POLR3E: variants seen among roughly 807,000 people sequenced by gnomAD.
POLR3E encodes RNA polymerase III subunit E.
A neutral mutation model predicts 96.6 loss-of-function variants in POLR3E; 41 were observed. The observed-to-expected ratio is 0.42, with a 90% confidence interval of 0.33 to 0.55. The LOEUF is 0.55. Among genes scored for constraint, POLR3E ranks in the 20% least tolerant of loss-of-function variants. POLR3E has a pLI of 0.06. For synonymous variants in POLR3E, 396 were observed against 383.6 expected (o/e 1.03, Z -0.38); for missense variants, 849 against 952.1 (o/e 0.89, Z 1.43).
chr16:22,334,117 TAAAATGCCTA>T lies in POLR3E; in HGVS notation c.*418_*427del, dbSNP rs1211714584. The T allele has an allele frequency of 5.0e-5, 8 of 160,774 alleles. No homozygotes were observed. Among genetic ancestry groups the T allele is most frequent in the Admixed American group, 3.8e-4 (6 of 15,714 alleles). 10.0% of individuals were successfully genotyped at this position (160,774 alleles called of 1,614,324 possible). ...AGAAAACCTCAAAGTTCTTAATTTTTAAAATGCCTAGAAGACAATATTTAGTCTTGGATTA... is the reference window on the plus strand; with the variant it reads ...AGAAAACCTCAAAGTTCTTAATTTTTGAAGACAATATTTAGTCTTGGATTA... On this transcript the variant is annotated 3_prime_UTR_variant, in exon 21 of 21. Transcript: ENST00000299853.
At chr16:22,303,476 G>A (rs1049201394) in intron 2 of POLR3E, among the ~76,000 whole-genome samples, 2 of 152,142 alleles carry the variant, frequency 1.3e-5, no homozygotes, top group East Asian at 3.9e-4. Flanking sequence ...CCAGGCTTAC[G>A]CAGATGTAGT....
Position 22,333,858 on chromosome 16 carries a change from C to G in POLR3E, c.*158C>G. ...CGGTGCAGTGGACAGAAGGGATTAT[C>G]CTCAGCCAGTCGCAGGGTCAGCTTA... is the stretch of plus-strand genomic sequence containing the variant. On this transcript the variant is annotated 3_prime_UTR_variant, in exon 21 of 21. Coordinates refer to ENST00000299853, the MANE Select transcript of POLR3E (RefSeq NM_018119.4). The G allele has an allele frequency of 1.7e-6, 1 of 583,316 alleles. No individual in the cohort carries two copies. The highest frequency in any genetic ancestry group is 3.1e-6 in the Non-Finnish European group (1 of 319,072). The allele number at this position is 583,316 out of a possible 1,614,324, so 36.1% of individuals were successfully genotyped here.
chr16:22,314,266 G>A, intron 8 of POLR3E, 138 bp downstream of exon 8: 1 of 694,908 alleles, frequency 1.4e-6, no homozygotes. Flanking sequence ...GGGCTACCTG[G>A]AGGGAACAAC....
intron 16 of POLR3E, 55 bp downstream of exon 16, chr16:22,324,715 C>T (rs1356994382): frequency 1.9e-6 from 3 of 1,561,262 alleles, no homozygotes; most frequent in Non-Finnish European, 1.8e-6. Context: ...ACCCTGCATC[C>T]TGGGGAGCAC....
chr16:22,309,448 C>T lies in POLR3E; in HGVS notation c.302C>T (p.Thr101Ile). 3 of 1,613,312 alleles carry T rather than the reference C, an allele frequency of 1.9e-6. No homozygotes were observed. The highest frequency in any genetic ancestry group is 2.5e-6 in the Non-Finnish European group (3 of 1,179,414). ...TYSSKLMDKQ[T>I]FCSSQTTSNT... is the part of the protein sequence containing the mutation. ...TCCAGGAAGCTGATGGACAAGCAGA[C>T]CTTCTGCTCTTCCCAGACCACCAGT... Residue 101 changes from threonine to isoleucine, a missense_variant, in exon 6 of 21, where the codon ACC becomes ATC. By Grantham distance (89) the Thr-to-Ile change is moderately conservative. Transcript: ENST00000299853.
At chr16:22,316,552 C>G (rs1265332246) in intron 9 of POLR3E, 49 bp from the exon 10 acceptor site, 13 of 1,475,396 alleles carry the variant, frequency 8.8e-6, no homozygotes, top group East Asian at 4.5e-5. Flanking sequence ...GGGGCCCAGG[C>G]CAGGGCCATC....
At chr16:22,331,869 T>TAC in intron 19 of POLR3E, 191 bp from the exon 20 acceptor site, 1 of 541,538 alleles carries the variant, frequency 1.8e-6, no homozygotes, top group East Asian at 3.2e-5. Context: ...TACTTTTGTG[T>TAC]TTTTATTTCT....
chr16:22,297,525 C>G lies in POLR3E; in HGVS notation c.-51C>G, dbSNP rs991254648. 1 of 152,436 alleles carries G rather than the reference C, an allele frequency of 6.6e-6. No homozygotes were observed. Among genetic ancestry groups the G allele is most frequent in the African/African-American group, 2.4e-5 (1 of 41,466 alleles). 9.4% of individuals were successfully genotyped at this position (152,436 alleles called of 1,614,324 possible). ...GGCCGTTGCCGCCGTCCGCGCTCGG[C>G]CCCCGCGGAGAGGTGAGTCCCGTCT... On this transcript the variant is annotated 5_prime_UTR_variant, in exon 1 of 21. Transcript: ENST00000299853.
At chr16:22,309,616 T>A in intron 6 of POLR3E, 106 bp downstream of exon 6, 1 of 840,066 alleles carries the variant, frequency 1.2e-6, no homozygotes, top group Non-Finnish European at 2.1e-6. Context: ...CCCTGAAAGC[T>A]AGACACCTGT....
Position 22,322,893 on chromosome 16 carries a change from G to C in POLR3E, c.1030G>C (p.Val344Leu). The C allele has an allele frequency of 6.2e-7, 1 of 1,613,380 alleles. No homozygotes were observed. Among genetic ancestry groups the C allele is most frequent in the Non-Finnish European group, 8.5e-7 (1 of 1,179,632 alleles). The change falls in exon 14 of 21, where the codon GTG (valine) becomes CTG (leucine). Residue 344 changes from valine to leucine, a missense_variant. Physicochemically the swap from Val to Leu is conservative, Grantham distance 32. Transcript: ENST00000299853. This position sits in a 1 kb window ranked among gnomAD's most constrained non-coding sequence, Gnocchi z 5.2. ...PKDSSSPHSG[V>L]PAEVLCRGRD... ...GGACTCGTCCAGCCCTCACAGCGGC[G>C]TGCCTGCTGAGGTGCTCTGCAGGGG... is the stretch of plus-strand genomic sequence containing the variant.
intron 6 of POLR3E, among the ~76,000 whole-genome samples, chr16:22,312,809 C>G (rs1206400086): frequency 1.4e-5 from 2 of 138,156 alleles, no homozygotes; most frequent in Non-Finnish European, 3.0e-5. Context: ...GGAGGTTGCA[C>G]TGAGCCGAGA....
At chr16:22,315,956 C>T (rs570323459) in intron 9 of POLR3E, among the ~76,000 whole-genome samples, 7 of 152,278 alleles carry the variant, frequency 4.6e-5, no homozygotes, top group African/African-American at 9.6e-5. Flanking sequence ...GCGTGAGCCA[C>T]GACCACCTGG....
chr16:22,311,641 G>A (rs1319085361), intron 6 of POLR3E, among the ~76,000 whole-genome samples: 1 of 151,610 alleles, frequency 6.6e-6, no homozygotes, highest in Non-Finnish European at 1.5e-5. Flanking sequence ...TACAGGCCAT[G>A]CCACCACATC....
At chr16:22,309,800 A>G in intron 6 of POLR3E, 1 of 482,304 alleles carries the variant, frequency 2.1e-6, no homozygotes, top group Non-Finnish European at 3.8e-6. Flanking sequence ...GTTTAGGGAC[A>G]GAATTTTGTC....
intron 13 of POLR3E, among the ~76,000 whole-genome samples, chr16:22,320,721 A>G (rs1253529478): frequency 6.6e-6 from 1 of 152,268 alleles, no homozygotes; most frequent in East Asian, 1.9e-4. Context: ...AGAATGCTAT[A>G]GTATTTCCTT....
chr16:22,333,590 T>C, intron 20 of POLR3E, 54 bp from the exon 21 acceptor site: 2 of 1,176,370 alleles, frequency 1.7e-6, no homozygotes, highest in South Asian at 2.4e-5. Context: ...GGACAGAATG[T>C]AATTAGCTCC....
rs760801732 is a variant in POLR3E at position 22,325,252 on chromosome 16, C to A, written c.1334C>A (p.Pro445Gln). 6.2e-7 allele frequency: 1 copy of A among 1,613,670 alleles called. No homozygotes were observed. The highest frequency in any genetic ancestry group is 8.5e-7 in the Non-Finnish European group (1 of 1,179,626). ...NLVKETMPKK[P>Q]DAQSGPAGLV... Reference sequence around the variant, plus strand: ...GTAAAGGAAACCATGCCAAAGAAGCCGGATGCACAATCAGGTGTGTGAGGG... The same window carrying A: ...GTAAAGGAAACCATGCCAAAGAAGCAGGATGCACAATCAGGTGTGTGAGGG... Residue 445 changes from proline (P) to glutamine (Q), a missense_variant, in exon 17 of 21, where the codon CCG (proline) becomes CAG (glutamine). Physicochemically the swap from Pro to Gln is moderately conservative, Grantham distance 76 (BLOSUM62 -1). Transcript: ENST00000299853.
intron 1 of POLR3E, among the ~76,000 whole-genome samples, chr16:22,301,020 A>C (rs900405080): frequency 1.3e-5 from 2 of 152,012 alleles, no homozygotes; most frequent in African/African-American, 2.4e-5. Flanking sequence ...CCTGCTATGG[A>C]GAAAACCAGA....
At chr16:22,305,359 A>G (rs1371727951) in intron 3 of POLR3E, 153 bp downstream of exon 3, 1 of 723,678 alleles carries the variant, frequency 1.4e-6, no homozygotes, top group Non-Finnish European at 2.5e-6. Flanking sequence ...GGGTGGGTTA[A>G]TATTGGTCTC....
Sources: allele counts gnomAD v4.1 joint callset (sites outside exome capture counted in the v4.1 genomes callset), GRCh38; gene constraint gnomAD v4.1.1; non-coding constraint Gnocchi (gnomAD v3.1); transcripts MANE v1.5; gene names NCBI Gene and HGNC (gene_info 2026-07-23, HGNC 2026-07-21).